The following KATNA1 variants were observed in gnomAD, a reference collection of about 807,000 sequenced individuals.
KATNA1 encodes the protein katanin p60 ATPase-containing subunit A1.
KATNA1 carries 42 observed loss-of-function variants against 62.6 expected under a neutral mutation model. That is an observed-to-expected ratio of 0.67 (90% CI 0.52 to 0.87). KATNA1 has a LOEUF of 0.87. Among genes scored for constraint, KATNA1 ranks in the 40% least tolerant of loss-of-function variants. The probability of loss-of-function intolerance (pLI) is 0.00; values close to 1 mark genes in which losing one functional copy is unlikely to be tolerated. For missense variants in KATNA1, 498 were observed against 612.5 expected, an observed-to-expected ratio of 0.81 and a Z score of 1.97; for synonymous variants, 186 against 201.9, an observed-to-expected ratio of 0.92 and a Z score of 0.67.
intron 4 of KATNA1, among the ~76,000 whole-genome samples, chr6:149,618,173 AAAAG>A (rs1039897254): frequency 4.0e-5 from 6 of 148,238 alleles, no homozygotes; most frequent in East Asian, 2.0e-4. Context: ...AAAAAAAGGA[AAAAG>A]AAAGAAAGAA....
At chr6:149,606,953 A>C (rs1183547412) in intron 4 of KATNA1, among the ~76,000 whole-genome samples, 1 of 152,176 alleles carries the variant, frequency 6.6e-6, no homozygotes, top group Non-Finnish European at 1.5e-5. Flanking sequence ...GAAGAAGATA[A>C]TCTTTTCTTC....
intron 4 of KATNA1, among the ~76,000 whole-genome samples, chr6:149,620,186 T>C (rs1219115036): frequency 1.3e-5 from 2 of 152,080 alleles, no homozygotes; most frequent in South Asian, 2.1e-4. Flanking sequence ...GAGGCTGGGA[T>C]GGGTAGGGGA....
intron 3 of KATNA1, 48 bp downstream of exon 3, chr6:149,632,711 G>A: frequency 6.5e-7 from 1 of 1,532,076 alleles, no homozygotes; most frequent in Non-Finnish European, 8.8e-7. Flanking sequence ...TATAATCAAT[G>A]CTATAAGCTT....
At chr6:149,616,911 G>A (rs77383718) in intron 4 of KATNA1, among the ~76,000 whole-genome samples, 1 of 152,088 alleles carries the variant, frequency 6.6e-6, no homozygotes. Flanking sequence ...CAACCCAAGT[G>A]TACATCAACA....
chr6:149,616,803 C>G (rs1392356694), intron 4 of KATNA1, among the ~76,000 whole-genome samples: 1 of 152,088 alleles, frequency 6.6e-6, no homozygotes, highest in Admixed American at 6.6e-5. Flanking sequence ...AAATCCACTT[C>G]TTGTATATAT....
At chr6:149,620,940 G>A (rs1779368059) in intron 4 of KATNA1, among the ~76,000 whole-genome samples, 1 of 152,108 alleles carries the variant, frequency 6.6e-6, no homozygotes, top group Non-Finnish European at 1.5e-5. Context: ...GAATCACTGG[G>A]TGCTAAAACT....
intron 10 of KATNA1, among the ~76,000 whole-genome samples, chr6:149,596,529 C>T (rs372562873): frequency 6.6e-6 from 1 of 151,580 alleles, no homozygotes; most frequent in Admixed American, 6.6e-5. Flanking sequence ...AGCGAGACTC[C>T]GTCTCAAAAA....
In KATNA1 at chr6:149,638,472, T is replaced by C. The variant is rs143698350; in HGVS notation, c.76A>G (p.Met26Val). 2.6e-5 allele frequency: 42 copies of C among 1,613,558 alleles called. No homozygotes were observed. Among genetic ancestry groups the C allele is most frequent in the Middle Eastern group, 3.3e-4 (2 of 6,084 alleles). ...YALLGNYDSAMVYYQGVLDQM... is the reference protein window; with the variant it reads ...YALLGNYDSAVVYYQGVLDQM... ...TCAAGAACTCCCTGATAATAGACCA[T>C]CGCAGAGTCATAGTTTCCCAGCAAT... Residue 26 changes from methionine to valine, a missense_variant, in exon 2 of 11, where the codon ATG becomes GTG. Around this residue, in one of 3 missense-constraint regions of KATNA1, gnomAD observed 28 missense variants for 41.6 expected, o/e 0.67. Coordinates refer to ENST00000367411, the MANE Select transcript of KATNA1 (RefSeq NM_007044.4).
intron 10 of KATNA1, among the ~76,000 whole-genome samples, chr6:149,595,440 G>A (rs1461344826): frequency 6.6e-6 from 1 of 152,116 alleles, no homozygotes; most frequent in African/African-American, 2.4e-5. Context: ...AATGAAAAAG[G>A]ATGCTAATTT....
chr6:149,626,710 G>A (rs1244001147), intron 3 of KATNA1, among the ~76,000 whole-genome samples: 1 of 151,590 alleles, frequency 6.6e-6, no homozygotes, highest in South Asian at 2.1e-4. Flanking sequence ...CTGGCTGGAC[G>A]CAGTGGCTCA....
chr6:149,623,604 G>A (rs978550915), intron 3 of KATNA1, among the ~76,000 whole-genome samples: 3 of 152,218 alleles, frequency 2.0e-5, no homozygotes, highest in Non-Finnish European at 4.4e-5. Context: ...CAGGCGTGGT[G>A]GTGTGCACCT....
intron 4 of KATNA1, among the ~76,000 whole-genome samples, chr6:149,618,155 G>GA (rs548492724): frequency 0.012 from 1,096 of 87,942 alleles, 11 homozygotes; most frequent in African/African-American, 0.032. Context: ...CTCCATCTCA[G>GA]AAAAAAAAAA....
At chr6:149,614,129 AG>A (rs2115104430) in intron 4 of KATNA1, among the ~76,000 whole-genome samples, 1 of 152,340 alleles carries the variant, frequency 6.6e-6, no homozygotes, top group African/African-American at 2.4e-5. Context: ...TAAACAACTC[AG>A]CCCGTAGGCC....
intron 4 of KATNA1, among the ~76,000 whole-genome samples, chr6:149,607,527 G>A (rs1008629761): frequency 6.6e-6 from 1 of 152,074 alleles, no homozygotes; most frequent in Non-Finnish European, 1.5e-5. Context: ...GAGGAGAATC[G>A]CTTGAACCCA....
At chr6:149,596,826 G>A (rs1482495481) in intron 10 of KATNA1, among the ~76,000 whole-genome samples, 2 of 152,052 alleles carry the variant, frequency 1.3e-5, no homozygotes, top group African/African-American at 4.8e-5. Context: ...CTCCCAAAGT[G>A]CTGAGATTAC....
At chr6:149,626,305 T>G (rs1779605767) in intron 3 of KATNA1, among the ~76,000 whole-genome samples, 1 of 128,540 alleles carries the variant, frequency 7.8e-6, no homozygotes, top group South Asian at 2.6e-4. Flanking sequence ...TTTTTTTTTT[T>G]TTTTTTTGAG....
chr6:149,633,778 C>T (rs1263729601), intron 2 of KATNA1, among the ~76,000 whole-genome samples: 1 of 151,330 alleles, frequency 6.6e-6, no homozygotes, highest in East Asian at 1.9e-4. Context: ...CTAAATCATA[C>T]TACTAATTTA....
Position 149,638,514 on chromosome 6 carries a change from A to C in KATNA1, c.34T>G (p.Leu12Val). The change falls in exon 2 of 11, where the codon TTG (leucine) becomes GTG (valine). Residue 12 changes from leucine (L) to valine (V), a missense_variant. This residue lies in a region of KATNA1 where 28 missense variants were observed against 41.6 expected (regional missense o/e 0.67). Coordinates refer to ENST00000367411, the MANE Select transcript of KATNA1 (RefSeq NM_007044.4). ...SLLMISENVK[L>V]AREYALLGNY... ...CCCAGCAATGCATATTCACGAGCCA[A>C]TTTTACATTCTCACTAATCATAAGA... is the stretch of plus-strand genomic sequence containing the variant. 1 of 1,613,756 alleles carries C rather than the reference A, an allele frequency of 6.2e-7. No homozygotes were observed. Among genetic ancestry groups the C allele is most frequent in the South Asian group, 1.1e-5 (1 of 91,058 alleles).
At chr6:149,643,834 A>AAG (rs1287956916) in intron 1 of KATNA1, among the ~76,000 whole-genome samples, 3 of 149,654 alleles carry the variant, frequency 2.0e-5, no homozygotes, top group Non-Finnish European at 4.5e-5. Flanking sequence ...ACACCCAGCT[A>AAG]ATATATATAT....
Sources: allele counts gnomAD v4.1 joint callset (sites outside exome capture counted in the v4.1 genomes callset), GRCh38; gene constraint gnomAD v4.1.1; regional missense constraint gnomAD v4.1.1; transcripts MANE v1.5; gene names NCBI Gene and HGNC (gene_info 2026-07-23, HGNC 2026-07-21).